Variants in TLN2 observed in about 807,000 individuals in gnomAD.
The protein encoded by TLN2 is talin 2.
TLN2 carries 118 observed loss-of-function variants against 294.7 expected under a neutral mutation model. That is an observed-to-expected ratio of 0.40 (90% CI 0.34 to 0.47). The LOEUF is 0.47. Among genes scored for constraint, TLN2 ranks in the 20% least tolerant of loss-of-function variants. The pLI, the probability that TLN2 is intolerant of heterozygous loss-of-function variation, is 0.84. For missense variants in TLN2, 3,083 were observed against 3,282.2 expected (o/e 0.94, Z 1.48); for synonymous variants, 1,431 against 1,304.5 (o/e 1.10, Z -2.09).
At chr15:62,727,282 G>A (rs527798499) in intron 28 of TLN2, 93 bp downstream of exon 28, 71 of 1,151,546 alleles carry the variant, frequency 6.2e-5, no homozygotes, top group African/African-American at 2.8e-4. Flanking sequence ...GACAATACAC[G>A]TGACATTTTT....
chr15:62,444,531 C>A (rs940280177), intron 1 of TLN2, among the ~76,000 whole-genome samples: 7 of 152,244 alleles, frequency 4.6e-5, no homozygotes, highest in African/African-American at 1.7e-4. Context: ...AAAGAACCCT[C>A]ATTTCTTAGT....
In TLN2 at chr15:62,792,357, G is replaced by A. The variant is rs147101708; in HGVS notation, c.5737-284G>A. Among the ~76,000 whole-genome samples the A allele has an allele frequency of 3.6e-3, 544 of 152,302 alleles. 3 individuals carry two copies. Among genetic ancestry groups the A allele is most frequent in the Middle Eastern group, 6.8e-3 (2 of 294 alleles). ...TTAACATTCTTACCAGGTGGCTGGA[G>A]GAGCAGATAAGCTATAAACCAGGAA... is the stretch of plus-strand genomic sequence containing the variant. On this transcript the variant is annotated intron_variant, in intron 45 of 58. Coordinates refer to ENST00000636159, the MANE Select transcript of TLN2 (RefSeq NM_015059.3).
At chr15:62,836,412 C>T (rs1447990865) in intron 57 of TLN2, among the ~76,000 whole-genome samples, 11 of 152,174 alleles carry the variant, frequency 7.2e-5, no homozygotes, top group Admixed American at 7.2e-4. Flanking sequence ...CTTTGAGAGC[C>T]CCTAGCCAGA....
chr15:62,480,309 G>A (rs1279791182), intron 1 of TLN2, among the ~76,000 whole-genome samples: 1 of 152,172 alleles, frequency 6.6e-6, no homozygotes, highest in Non-Finnish European at 1.5e-5. Context: ...TGCCTCCTGG[G>A]TTCAAGCGAT....
chr15:62,582,454 A>G (rs1395130083), intron 1 of TLN2, among the ~76,000 whole-genome samples: 1 of 152,246 alleles, frequency 6.6e-6, no homozygotes, highest in African/African-American at 2.4e-5. Flanking sequence ...GGCGAAATAC[A>G]GACATGTAAA....
intron 2 of TLN2, among the ~76,000 whole-genome samples, chr15:62,595,654 T>G (rs1238109017): frequency 6.6e-6 from 1 of 152,184 alleles, no homozygotes; most frequent in Non-Finnish European, 1.5e-5. Context: ...GGATATGGAA[T>G]CAACATAAGT....
chr15:62,540,831 A>G (rs1449698120), intron 1 of TLN2, among the ~76,000 whole-genome samples: 1 of 152,136 alleles, frequency 6.6e-6, no homozygotes, highest in Admixed American at 6.6e-5. Context: ...GGGGAAGATC[A>G]CCAGGGAGTT....
rs2061741141 is a variant in TLN2 at position 62,748,548 on chromosome 15, G to A, written c.4119+104G>A. 9 of 968,572 alleles carry A rather than the reference G, an allele frequency of 9.3e-6. No individual in the cohort carries two copies. In the South Asian group the frequency reaches 1.1e-4, roughly 12 times the overall value. The allele number at this position is 968,572 out of a possible 1,614,324, so 60.0% of individuals were successfully genotyped here. A position where few individuals can be genotyped will look rare whatever the true frequency, so the allele number is the denominator to read the frequency against. On this transcript the variant is annotated intron_variant, in intron 33 of 58. Transcript: ENST00000636159. ...GTCTGTGTCTGTTCTTTCCCTATAG[G>A]GCTAGTTTTCTCTTCTCTGTCCTTG...
In TLN2 at chr15:62,792,698, G is replaced by A. The variant is rs760817577; in HGVS notation, c.5794G>A (p.Val1932Met). 3.1e-6 allele frequency: 5 copies of A among 1,613,888 alleles called. No homozygotes were observed. The highest frequency in any genetic ancestry group is 4.2e-6 in the Non-Finnish European group (5 of 1,180,056). The change falls in exon 46 of 59, where the codon GTG becomes ATG. Residue 1932 changes from valine to methionine, a missense_variant. By Grantham distance (21) the Val-to-Met change is conservative. Transcript: ENST00000636159. ...QDLGHGCIFL[V>M]QKAGALQVCP... is the part of the protein sequence containing the mutation. ...CCTGGGCCACGGCTGTATCTTCCTG[G>A]TGCAGAAGGCAGGGGCCCTCCAGGT...
rs571770070 is a variant in TLN2, at chr15:62,765,174, C to G, written c.5095-1147C>G. Among the ~76,000 whole-genome samples, 8 of 152,142 alleles carry G rather than the reference C, an allele frequency of 5.3e-5. No individual in the cohort carries two copies. In the South Asian group the frequency reaches 1.7e-3, roughly 32 times the overall value. On this transcript the variant is annotated intron_variant, in intron 40 of 58. Transcript: ENST00000636159. ...ATTTAACAAACCATCTGTAATAAGA[C>G]AGCACTGTTGGAATATTCTTGTGTT... is the stretch of plus-strand genomic sequence containing the variant.
Position 62,675,252 on chromosome 15 carries a change from A to G in TLN2, c.888A>G (p.Glu296=), listed in dbSNP as rs758940256. ...HKNCGEMSEI[E]AKVKYVKLAR... ...ACTGCGGAGAGATGAGTGAGATAGA[A>G]GCCAAGGTCAAGTACGTCAAACTCG... Residue 296 remains glutamate, a synonymous_variant, in exon 11 of 59, where the codon GAA becomes GAG. Transcript: ENST00000636159. The G allele has an allele frequency of 3.1e-6, 5 of 1,614,146 alleles. No homozygotes were observed.
intron 1 of TLN2, among the ~76,000 whole-genome samples, chr15:62,576,665 C>T (rs1362061586): frequency 9.2e-6 from 1 of 108,148 alleles, no homozygotes; most frequent in African/African-American, 3.4e-5. Context: ...ATGATTCCCC[C>T]CCCCGCCCCC....
At chr15:62,506,255 A>T (rs1386522952) in intron 1 of TLN2, among the ~76,000 whole-genome samples, 1 of 150,622 alleles carries the variant, frequency 6.6e-6, no homozygotes, top group Non-Finnish European at 1.5e-5. Context: ...TGGTTATAGC[A>T]CATTATCTAG....
At chr15:62,827,924 GAATCCATGAAAGGCC>G (rs2068377172) in intron 54 of TLN2, 2 of 152,232 alleles carry the variant, frequency 1.3e-5, no homozygotes, top group Non-Finnish European at 2.9e-5. Context: ...CATGTTCTCA[GAATCCATGAAAGGCC>G]AAATGTCAAA....
intron 3 of TLN2, among the ~76,000 whole-genome samples, chr15:62,642,646 ATGTT>A (rs1239221557): frequency 6.6e-6 from 1 of 151,286 alleles, no homozygotes; most frequent in African/African-American, 2.4e-5. Flanking sequence ...AGGTTGCTAT[ATGTT>A]CTAATCCTAC....
At chr15:62,758,795 C>G (rs191550986) in intron 37 of TLN2, 43 of 152,276 alleles carry the variant, frequency 2.8e-4, no homozygotes, top group Admixed American at 2.7e-3. Flanking sequence ...GAGAAGGGAG[C>G]CAGGAGGCTC....
chr15:62,558,153 G>T (rs1303126172), intron 1 of TLN2, among the ~76,000 whole-genome samples: 3 of 152,138 alleles, frequency 2.0e-5, no homozygotes. Flanking sequence ...GTTTGTATGG[G>T]TGATACTGAT....
chr15:62,777,986 G>A (rs565723381), intron 43 of TLN2, among the ~76,000 whole-genome samples: 19 of 152,128 alleles, frequency 1.2e-4, no homozygotes, highest in Admixed American at 3.9e-4. Context: ...TTTAGACATC[G>A]TCTATGTTTT....
At chr15:62,669,993 A>G (rs1004587367) in intron 9 of TLN2, among the ~76,000 whole-genome samples, 2 of 152,204 alleles carry the variant, frequency 1.3e-5, no homozygotes, top group African/African-American at 2.4e-5. Context: ...CATAGGAGGC[A>G]GATTCGGATG....
Sources: gnomAD v4.1 joint callset for allele counts (sites outside exome capture counted in the v4.1 genomes callset) on GRCh38, gnomAD v4.1.1 for gene constraint, MANE v1.5 for transcripts, NCBI Gene and HGNC (gene_info 2026-07-23, HGNC 2026-07-21) for gene names.